The following CLN8 variants were observed in gnomAD, a reference collection of about 807,000 sequenced individuals.
CLN8 encodes protein CLN8.
A neutral mutation model predicts 15.7 loss-of-function variants in CLN8; 14 were observed. The ratio of observed to expected loss-of-function variants is 0.89; its 90% CI spans 0.59 to 1.39. CLN8 has a LOEUF of 1.39. Ranked by LOEUF, CLN8 falls within the 40% of genes most tolerant of loss-of-function variation. The pLI is 0.00. For synonymous variants in CLN8, 188 were observed against 151.0 expected, an observed-to-expected ratio of 1.25 and a Z score of -1.80; for missense variants, 415 against 364.0, an observed-to-expected ratio of 1.14 and a Z score of -1.14.
At chr8:1,763,416 G>C (rs1231760251), upstream of CLN8, 700 of 22,124 alleles carry the variant, frequency 0.032, 90 homozygotes, top group African/African-American at 0.054. Flanking sequence ...CCCCCGCCGC[G>C]CCCCGCCCCC....
At position 1,782,958 on chromosome 8, in the gene CLN8, C is replaced by T. The variant is rs753321849; in HGVS notation, c.*2391C>T. 2 of 152,260 alleles carry T rather than the reference C, an allele frequency of 1.3e-5. No homozygotes were observed. The highest frequency in any genetic ancestry group is 2.9e-5 in the Non-Finnish European group (2 of 68,078). 9.4% of individuals were successfully genotyped at this position (152,260 alleles called of 1,614,324 possible). ...GTGCTGTAGAGAAGCACAGGCTCAC[C>T]CGCTCCGTCCAGTGTCACCCACACA... is the stretch of plus-strand genomic sequence containing the variant. On this transcript the variant is annotated 3_prime_UTR_variant, in exon 3 of 3. Transcript: ENST00000331222.
intron 2 of CLN8, among the ~76,000 whole-genome samples, chr8:1,776,801 T>C (rs1408217405): frequency 6.6e-6 from 1 of 152,208 alleles, no homozygotes; most frequent in Non-Finnish European, 1.5e-5. Flanking sequence ...GGTACTTGGA[T>C]TGTCTTAGCC....
chr8:1,779,016 C>CAACAGAATGCTG (rs1801618973), intron 2 of CLN8, among the ~76,000 whole-genome samples: 1 of 152,178 alleles, frequency 6.6e-6, no homozygotes, highest in African/African-American at 2.4e-5. Flanking sequence ...GCCTGTTTTA[C>CAACAGAATGCTG]AACAGAATGC....
At position 1,770,918 on chromosome 8, in the gene CLN8, G is replaced by C. The variant is rs1801271223; in HGVS notation, c.-123-14G>C. 1.3e-6 allele frequency: 1 copy of C among 777,756 alleles called. No homozygotes were observed. The highest frequency in any genetic ancestry group is 1.7e-5 in the African/African-American group (1 of 58,558). The allele number at this position is 777,756 out of a possible 1,614,324, so 48.2% of individuals were successfully genotyped here. On this transcript the variant is annotated splice_polypyrimidine_tract_variant and intron_variant, in intron 1 of 2. Transcript: ENST00000331222. ...TCTATCGAGTCAACACAAAATGAATGATCTTTCTTTTAGATTGAAGATGGA... is the reference window on the plus strand; with the variant it reads ...TCTATCGAGTCAACACAAAATGAATCATCTTTCTTTTAGATTGAAGATGGA...
chr8:1,757,757 G>T (rs1800705660), intron 1 of CLN8, among the ~76,000 whole-genome samples: 1 of 152,090 alleles, frequency 6.6e-6, no homozygotes, highest in African/African-American at 2.4e-5. Context: ...GTTGTTATGG[G>T]CATTTTTAAA....
Position 1,782,909 on chromosome 8 carries a change from G to A in CLN8, c.*2342G>A, listed in dbSNP as rs532249826. On this transcript the variant is annotated 3_prime_UTR_variant, in exon 3 of 3. Transcript: ENST00000331222. ...CTTTACCTCCTGTATCTTCATACGC[G>A]TGTGTGGATGCATAGAGATGGAGGT... 2 of 152,302 alleles carry A rather than the reference G, an allele frequency of 1.3e-5. No homozygotes were observed. Among genetic ancestry groups the A allele is most frequent in the South Asian group, 2.1e-4 (1 of 4,828 alleles). The allele number at this position is 152,302 out of a possible 1,614,324, so 9.4% of individuals were successfully genotyped here.
chr8:1,755,354 C>A (rs565130342), upstream of CLN8, among the ~76,000 whole-genome samples: 1 of 152,136 alleles, frequency 6.6e-6, no homozygotes, highest in African/African-American at 2.4e-5. Flanking sequence ...GATCCCCACC[C>A]GACTCCCCTC....
Position 1,783,058 on chromosome 8 carries a change from T to A in CLN8, c.*2491T>A, listed in dbSNP as rs1801747022. 6.6e-6 allele frequency: 1 copy of A among 152,430 alleles called. No homozygotes were observed. Among genetic ancestry groups the A allele is most frequent in the African/African-American group, 2.4e-5 (1 of 41,482 alleles). 9.4% of individuals were successfully genotyped at this position (152,430 alleles called of 1,614,324 possible). ...TGGAAAAGGCTTCGTGAAATGTTAA[T>A]GATGCGTACACCTTCCAGATGGCAC... On this transcript the variant is annotated 3_prime_UTR_variant, in exon 3 of 3. Transcript: ENST00000331222.
chr8:1,771,807 G>A (rs1286330810), intron 2 of CLN8, among the ~76,000 whole-genome samples: 1 of 151,808 alleles, frequency 6.6e-6, no homozygotes, highest in African/African-American at 2.4e-5. Flanking sequence ...CAGGCTGGAG[G>A]CAATTTTCTT....
At chr8:1,759,111 C>T (rs563045734), upstream of CLN8, 1 of 152,166 alleles carries the variant, frequency 6.6e-6, no homozygotes, top group African/African-American at 2.4e-5. Context: ...GTTTTGTCAA[C>T]CTTAAGATCT....
At chr8:1,766,375 G>A (rs958652723) in intron 1 of CLN8, among the ~76,000 whole-genome samples, 4 of 146,718 alleles carry the variant, frequency 2.7e-5, no homozygotes, top group African/African-American at 7.6e-5. Flanking sequence ...CATTAGGTTC[G>A]GCCTCCAGTT....
chr8:1,755,105 A>G (rs984919192), upstream of CLN8, among the ~76,000 whole-genome samples: 4 of 152,138 alleles, frequency 2.6e-5, no homozygotes, highest in Non-Finnish European at 5.9e-5. Context: ...TCGTCATTCC[A>G]TGAAATCAAG....
chr8:1,770,167 T>C (rs1374689907), intron 1 of CLN8, among the ~76,000 whole-genome samples: 1 of 152,160 alleles, frequency 6.6e-6, no homozygotes, highest in Non-Finnish European at 1.5e-5. Flanking sequence ...TCTCCCCTAC[T>C]CTGGGAGGGC....
chr8:1,765,645 C>G (rs917558137), intron 1 of CLN8, among the ~76,000 whole-genome samples: 5 of 152,146 alleles, frequency 3.3e-5, no homozygotes, highest in African/African-American at 1.2e-4. Context: ...AGAGAATACA[C>G]AAAACTAGGA....
rs148763945 is a variant in CLN8 at position 1,771,138 on chromosome 8, G to C, written c.84G>C (p.Met28Ile). 1 of 1,613,944 alleles carries C rather than the reference G, an allele frequency of 6.2e-7. No individual in the cohort carries two copies. Among genetic ancestry groups the C allele is most frequent in the Admixed American group, 1.7e-5 (1 of 59,974 alleles). ...CCTGGGGGATCCGCTCCACGCTGAT[G>C]GTCGCTGGCTTTGTCTTCTACTTGG... ...YASWGIRSTL[M>I]VAGFVFYLGV... Residue 28 changes from methionine (M) to isoleucine (I), a missense_variant, in exon 2 of 3, where the codon ATG becomes ATC. Physicochemically the swap from Met to Ile is conservative, Grantham distance 10 (BLOSUM62 1). Coordinates refer to ENST00000331222, the MANE Select transcript of CLN8 (RefSeq NM_018941.4).
chr8:1,782,731 A>C lies in CLN8; in HGVS notation c.*2164A>C, dbSNP rs545037566. 2 of 152,360 alleles carry C rather than the reference A, an allele frequency of 1.3e-5. No individual in the cohort carries two copies. The highest frequency in any genetic ancestry group is 2.9e-5 in the Non-Finnish European group (2 of 68,032). The allele number at this position is 152,360 out of a possible 1,614,324, so 9.4% of individuals were successfully genotyped here. A position where few individuals can be genotyped will look rare whatever the true frequency, so the allele number is the denominator to read the frequency against. The stretch of plus-strand genomic sequence containing the variant: ...GTCTTCCTCTCTCTCAAAATAAACT[A>C]ACCTATTCATATTGCTGTGAATGCT... On this transcript the variant is annotated 3_prime_UTR_variant, in exon 3 of 3. Transcript: ENST00000331222.
In CLN8 at chr8:1,786,551, A is replaced by ATAGT. The variant is rs1443140452; in HGVS notation, c.*5985_*5988dup. 2 of 152,228 alleles carry ATAGT rather than the reference A, an allele frequency of 1.3e-5. No individual in the cohort carries two copies. Among genetic ancestry groups the ATAGT allele is most frequent in the African/African-American group, 4.8e-5 (2 of 41,480 alleles). The allele number at this position is 152,228 out of a possible 1,614,324, so 9.4% of individuals were successfully genotyped here. Reference sequence around the variant, plus strand: ...ATACTTGCCTAATCATGTTTAAAATATAGTGATGTGAAAAATTCAGACGTC... The same window carrying ATAGT: ...ATACTTGCCTAATCATGTTTAAAATATAGTTAGTGATGTGAAAAATTCAGACGTC... On this transcript the variant is annotated 3_prime_UTR_variant, in exon 3 of 3. Transcript: ENST00000331222.
chr8:1,762,039 C>T (rs1800809359), upstream of CLN8: 1 of 152,136 alleles, frequency 6.6e-6, no homozygotes, highest in African/African-American at 2.4e-5. Flanking sequence ...AAGTTTCTTC[C>T]AAAGTTAGTT....
At chr8:1,777,740 G>T (rs1299347148) in intron 2 of CLN8, among the ~76,000 whole-genome samples, 1 of 152,142 alleles carries the variant, frequency 6.6e-6, no homozygotes, top group Admixed American at 6.5e-5. Flanking sequence ...AGAGACTTCA[G>T]GGGCAGTAAC....
Sources: allele counts gnomAD v4.1 joint callset (sites outside exome capture counted in the v4.1 genomes callset), GRCh38; gene constraint gnomAD v4.1.1; transcripts MANE v1.5; gene names NCBI Gene and HGNC (gene_info 2026-07-23, HGNC 2026-07-21).